BLTP1: variants seen among roughly 807,000 people sequenced by gnomAD.
BLTP1 encodes fragile site-associated protein.
the BLTP1 span, chr4:122,334,202 C>A: frequency 1.3e-6 from 1 of 797,654 alleles, no homozygotes; most frequent in Non-Finnish European, 1.9e-6. Context: ...AGCAAAGAAA[C>A]TTGCCAGGAT....
the BLTP1 span, chr4:122,280,139 G>A: frequency 1.0e-6 from 1 of 985,442 alleles, no homozygotes; most frequent in Non-Finnish European, 1.2e-6. Context: ...TTGTGATCAT[G>A]TGAGAATGAC....
chr4:122,263,701 T>C, the BLTP1 span: 1 of 657,700 alleles, frequency 1.5e-6, no homozygotes, highest in Non-Finnish European at 2.5e-6. Context: ...AAGTACTGTT[T>C]GGTTGAAATT....
chr4:122,257,831 A>G, the BLTP1 span, among the ~76,000 whole-genome samples: 2 of 152,238 alleles, frequency 1.3e-5, no homozygotes, highest in East Asian at 3.9e-4. Context: ...GAATCTTCAT[A>G]CTGACCTGAT....
chr4:122,161,094 A>G, the BLTP1 span: 7 of 969,854 alleles, frequency 7.2e-6, no homozygotes, highest in Middle Eastern at 5.2e-4. Flanking sequence ...AAGAGAGTGT[A>G]TGTTGGTGGA....
At chr4:122,243,729 AAAGTC>A in the BLTP1 span, 3 of 1,221,284 alleles carry the variant, frequency 2.5e-6, no homozygotes, top group Non-Finnish European at 3.2e-6. Context: ...AGAAAAAAAA[AAAGTC>A]AAGTCCAATT....
the BLTP1 span, chr4:122,343,768 A>T: frequency 2.6e-5 from 11 of 428,920 alleles, no homozygotes; most frequent in Non-Finnish European, 3.4e-5. Flanking sequence ...ATAAGTAGAC[A>T]TATACAATAA....
At chr4:122,238,132 A>G in the BLTP1 span, 3 of 1,613,998 alleles carry the variant, frequency 1.9e-6, no homozygotes, top group Middle Eastern at 1.7e-4. Flanking sequence ...GGGAAAACAA[A>G]TCAGTGGGAA....
At chr4:122,188,310 A>G in the BLTP1 span, 7 of 526,216 alleles carry the variant, frequency 1.3e-5, no homozygotes, top group Non-Finnish European at 1.5e-5. Flanking sequence ...GATTATAACT[A>G]TAATTTTTTT....
the BLTP1 span, chr4:122,193,691 CT>C: frequency 9.8e-6 from 9 of 919,058 alleles, no homozygotes; most frequent in Admixed American, 6.2e-5. Context: ...CATGAACTAG[CT>C]TTTTTGAATA....
chr4:122,162,189 A>C, the BLTP1 span, among the ~76,000 whole-genome samples: 1 of 152,242 alleles, frequency 6.6e-6, no homozygotes, highest in South Asian at 2.1e-4. Context: ...ATAAGCAAAA[A>C]CACATAGAAA....
At chr4:122,298,452 T>C in the BLTP1 span, 1 of 184,478 alleles carries the variant, frequency 5.4e-6, no homozygotes, top group Non-Finnish European at 1.0e-5. Context: ...CATTATTTCA[T>C]GTAATATTTT....
chr4:122,215,837 C>G, the BLTP1 span, among the ~76,000 whole-genome samples: 42 of 150,814 alleles, frequency 2.8e-4, 1 homozygote, highest in South Asian at 2.3e-3. Context: ...ATCCCTCACC[C>G]CCCCCATCCT....
At chr4:122,322,902 T>C in the BLTP1 span, among the ~76,000 whole-genome samples, 1 of 152,094 alleles carries the variant, frequency 6.6e-6, no homozygotes. Context: ...ACTCTTAGTG[T>C]TTTTTCAAAA....
the BLTP1 span, among the ~76,000 whole-genome samples, chr4:122,332,604 C>T: frequency 6.8e-6 from 1 of 147,406 alleles, no homozygotes; most frequent in Non-Finnish European, 1.5e-5. Context: ...GATTGTATTC[C>T]ATTTACTGTA....
chr4:122,198,457 A>G, the BLTP1 span: 1 of 984,876 alleles, frequency 1.0e-6, no homozygotes, highest in Non-Finnish European at 1.2e-6. Flanking sequence ...TGTTTCAGTT[A>G]AGGAAGTGCT....
chr4:122,286,725 T>C, the BLTP1 span: 15 of 1,613,888 alleles, frequency 9.3e-6, no homozygotes, highest in Non-Finnish European at 1.3e-5. Flanking sequence ...GGAGTATAGA[T>C]GAACTGCCTT....
At chr4:122,237,927 G>A in the BLTP1 span, 1 of 329,542 alleles carries the variant, frequency 3.0e-6, no homozygotes, top group East Asian at 1.8e-4. Context: ...AGGTTGCAGT[G>A]AGCCAAGATC....
At chr4:122,244,583 A>G in the BLTP1 span, 29 of 885,132 alleles carry the variant, frequency 3.3e-5, no homozygotes, top group Admixed American at 1.8e-3. Flanking sequence ...CATGAATAAA[A>G]ATGAGAATGG....
At chr4:122,293,300 A>G in the BLTP1 span, 1 of 402,018 alleles carries the variant, frequency 2.5e-6, no homozygotes, top group African/African-American at 2.2e-5. Flanking sequence ...ATGGTGAGTG[A>G]ATTCAGCACT....
Sources: gnomAD v4.1 joint callset for allele counts (sites outside exome capture counted in the v4.1 genomes callset) on GRCh38, gnomAD v4.1.1 for gene constraint, MANE v1.5 for transcripts, NCBI Gene and HGNC (gene_info 2026-07-23, HGNC 2026-07-21) for gene names.